The following CARMIL3 variants were observed in gnomAD, a reference collection of about 807,000 sequenced individuals.
CARMIL3 encodes capping protein, Arp2/3 and myosin-I linker protein 3.
CARMIL3 carries 88 observed loss-of-function variants against 180.8 expected under a neutral mutation model. That is an observed-to-expected ratio of 0.49 (90% CI 0.41 to 0.58). The LOEUF (loss-of-function observed/expected upper bound fraction) is 0.58, where lower values mean the gene tolerates loss of function less well. Among genes scored for constraint, CARMIL3 ranks in the 20% least tolerant of loss-of-function variants. CARMIL3 has a pLI of 0.00. For synonymous variants in CARMIL3, 696 were observed against 714.5 expected (o/e 0.97, Z 0.41); for missense variants, 1,548 against 1,787.0 (o/e 0.87, Z 2.41).
Position 24,065,242 on chromosome 14 carries a change from G to T in CARMIL3, c.3365G>T (p.Gly1122Val). The change falls in exon 33 of 40, where the codon GGG becomes GTG. Residue 1122 changes from glycine to valine, a missense_variant. Coordinates refer to ENST00000342740, the MANE Select transcript of CARMIL3 (RefSeq NM_138360.4). ...EESSLLPGFG[G>V]GRGPSFRRKM... ...AGCAGCCTCCTCCCTGGATTTGGTG[G>T]GGGCCGGGGACCTTCCTTCCGCCGG... 6.5e-7 allele frequency: 1 copy of T among 1,549,472 alleles called. No individual in the cohort carries two copies. Among genetic ancestry groups the T allele is most frequent in the Non-Finnish European group, 8.7e-7 (1 of 1,155,766 alleles).
rs145608725 is a variant in CARMIL3 at position 24,058,703 on chromosome 14, C to T, written c.1416C>T (p.Ala472=). The T allele has an allele frequency of 1.3e-4, 215 of 1,614,060 alleles. No homozygotes were observed. Among genetic ancestry groups the T allele is most frequent in the Non-Finnish European group, 1.8e-4 (207 of 1,180,032 alleles). Residue 472 remains alanine, a synonymous_variant, in exon 18 of 40, where the codon GCC becomes GCT. Coordinates refer to ENST00000342740, the MANE Select transcript of CARMIL3 (RefSeq NM_138360.4). The surrounding 1 kb of genome is among the most constrained non-coding windows in gnomAD (Gnocchi z 6.4). ...SCELRSAGAQ[A]LQEQLGAVTC... is the part of the protein sequence containing the mutation. Reference sequence around the variant, plus strand: ...AGCTCCGTTCAGCGGGAGCCCAAGCCTTGCAGGAGCAGCTGGGAGCTGTCA... The same window carrying T: ...AGCTCCGTTCAGCGGGAGCCCAAGCTTTGCAGGAGCAGCTGGGAGCTGTCA...
In CARMIL3 at chr14:24,057,997, T is replaced by A; in HGVS notation, c.1255T>A (p.Phe419Ile). Residue 419 changes from phenylalanine (F) to isoleucine (I), a missense_variant, in exon 16 of 40, where the codon TTC (phenylalanine) becomes ATC (isoleucine). By Grantham distance (21) the Phe-to-Ile change is conservative. Transcript: ENST00000342740. ...REAPPAFKQFFSSAYTLSHVN... is the reference protein window; with the variant it reads ...REAPPAFKQFISSAYTLSHVN... ...GGCCCCGCCGGCCTTCAAGCAGTTC[T>A]TCAGCAGCGCCTACACACTGAGCCA... 1 of 1,613,726 alleles carries A rather than the reference T, an allele frequency of 6.2e-7. No homozygotes were observed. The highest frequency in any genetic ancestry group is 8.5e-7 in the Non-Finnish European group (1 of 1,179,992).
Position 24,054,638 on chromosome 14 carries a change from G to A in CARMIL3, c.363-73G>A. The A allele has an allele frequency of 6.6e-7, 1 of 1,522,802 alleles. No individual in the cohort carries two copies. The highest frequency in any genetic ancestry group is 9.0e-7 in the Non-Finnish European group (1 of 1,108,896). The allele number at this position is 1,522,802 out of a possible 1,614,324, so 94.3% of individuals were successfully genotyped here. A position where few individuals can be genotyped will look rare whatever the true frequency, so the allele number is the denominator to read the frequency against. The stretch of plus-strand genomic sequence containing the variant: ...CCCCACTCCTGGTTTTTCCTGGGAT[G>A]CAGGAGCTATAACGTGGGAAGAACT... On this transcript the variant is annotated intron_variant, in intron 5 of 39. Coordinates refer to ENST00000342740, the MANE Select transcript of CARMIL3 (RefSeq NM_138360.4). The surrounding 1 kb of genome is among the most constrained non-coding windows in gnomAD (Gnocchi z 5.1).
intron 14 of CARMIL3, 125 bp from the exon 15 acceptor site, chr14:24,057,678 C>G: frequency 1.3e-6 from 1 of 786,002 alleles, no homozygotes; most frequent in Non-Finnish European, 2.1e-6. Flanking sequence ...TCCAGTGGAG[C>G]TCACACAGGC....
In CARMIL3 at chr14:24,055,271, G is replaced by A. The variant is rs777611151; in HGVS notation, c.566G>A (p.Arg189Gln). ...VDTIYHAEDN[R>Q]EFNLLDFSHL... ...ACCATCTACCATGCTGAAGATAACC[G>A]GGAGTTCAATCTTTTGGATTTCAGC... is the stretch of plus-strand genomic sequence containing the variant. Residue 189 changes from arginine to glutamine, a missense_variant, in exon 8 of 40, where the codon CGG becomes CAG. Physicochemically the swap from Arg to Gln is conservative, Grantham distance 43 (BLOSUM62 1). This residue lies in a region of CARMIL3 where 578 missense variants were observed against 666.5 expected (regional missense o/e 0.87). Coordinates refer to ENST00000342740, the MANE Select transcript of CARMIL3 (RefSeq NM_138360.4). The A allele has an allele frequency of 4.5e-5, 72 of 1,613,952 alleles. No homozygotes were observed. Among genetic ancestry groups the A allele is most frequent in the African/African-American group, 9.4e-5 (7 of 74,860 alleles).
chr14:24,058,891 G>T lies in CARMIL3; in HGVS notation c.1476G>T (p.Gly492=). The T allele has an allele frequency of 6.2e-7, 1 of 1,614,212 alleles. No individual in the cohort carries two copies. Among genetic ancestry groups the T allele is most frequent in the Non-Finnish European group, 8.5e-7 (1 of 1,180,048 alleles). The change falls in exon 19 of 40, where the codon GGG becomes GGT. Residue 492 remains glycine (G), a splice_region_variant and synonymous_variant. Coordinates refer to ENST00000342740, the MANE Select transcript of CARMIL3 (RefSeq NM_138360.4). The surrounding 1 kb of genome is among the most constrained non-coding windows in gnomAD (Gnocchi z 6.4). Reference sequence around the variant, plus strand: ...AGGCCTCTCCCATCTGCTCACCAGGGTTCGACTCGGACCTCCTGACACTGG... The same window carrying T: ...AGGCCTCTCCCATCTGCTCACCAGGTTTCGACTCGGACCTCCTGACACTGG... ...CVGSLDLSDN[G]FDSDLLTLVP...
Position 24,068,862 on chromosome 14 carries a change from C to T in CARMIL3, c.3878C>T (p.Pro1293Leu). The T allele has an allele frequency of 6.2e-7, 1 of 1,612,974 alleles. No individual in the cohort carries two copies. The change falls in exon 38 of 40, where the codon CCA becomes CTA. Residue 1293 changes from proline (P) to leucine (L), a missense_variant. Pro to Leu is a moderately conservative substitution (Grantham distance 98, BLOSUM62 -3). Around this residue, in one of 4 missense-constraint regions of CARMIL3, gnomAD observed 668 missense variants for 687.8 expected, o/e 0.97. Transcript: ENST00000342740. ...VPRGRQPPQE[P>L]GVREEAEAGD... ...AGGGGCCGCCAGCCTCCCCAGGAGC[C>T]AGGGGTCAGGGAGGAGGCTGAGGCT...
chr14:24,058,638 C>A lies in CARMIL3; in HGVS notation c.1393-42C>A, dbSNP rs755423794. ...CTAAGCATTAAAGGTGCCCTACCCC[C>A]ACCCCAACCCCTGCCTTCCCTACCT... is the stretch of plus-strand genomic sequence containing the variant. On this transcript the variant is annotated intron_variant, in intron 17 of 39. Transcript: ENST00000342740. The surrounding 1 kb of genome is among the most constrained non-coding windows in gnomAD (Gnocchi z 6.4). 1 of 1,576,906 alleles carries A rather than the reference C, an allele frequency of 6.3e-7. No homozygotes were observed. Among genetic ancestry groups the A allele is most frequent in the Non-Finnish European group, 8.7e-7 (1 of 1,150,026 alleles).
At chr14:24,057,422 T>C (rs2035683362) in intron 14 of CARMIL3, among the ~76,000 whole-genome samples, 178 bp downstream of exon 14, 1 of 152,162 alleles carries the variant, frequency 6.6e-6, no homozygotes, top group Non-Finnish European at 1.5e-5. Flanking sequence ...TTTATCCAGG[T>C]CACAAGCTTG....
In CARMIL3 at chr14:24,064,653, C is replaced by T. The variant is rs536127275; in HGVS notation, c.3081-305C>T. 9.9e-5 allele frequency among the ~76,000 whole-genome samples: 15 copies of T among 152,058 alleles called. No homozygotes were observed. In the East Asian group the frequency reaches 2.5e-3, roughly 25 times the overall value. On this transcript the variant is annotated intron_variant, in intron 32 of 39. Coordinates refer to ENST00000342740, the MANE Select transcript of CARMIL3 (RefSeq NM_138360.4). Reference sequence around the variant, plus strand: ...GGATACCCATTAGTGGTGAGAGGCCCGGGGGGTAGTGTTCCCTGTCACTGT... The same window carrying T: ...GGATACCCATTAGTGGTGAGAGGCCTGGGGGGTAGTGTTCCCTGTCACTGT...
At chr14:24,053,670 G>A (rs2035640881) in intron 1 of CARMIL3, 39 bp from the exon 2 acceptor site, 9 of 1,530,056 alleles carry the variant, frequency 5.9e-6, no homozygotes, top group Non-Finnish European at 8.0e-6. Context: ...GGTGGCCAGG[G>A]TAAGGTGAAG....
chr14:24,061,412 TG>T lies in CARMIL3; in HGVS notation c.2305-83del. 1 of 1,400,222 alleles carries T rather than the reference TG, an allele frequency of 7.1e-7. No homozygotes were observed. The highest frequency in any genetic ancestry group is 9.7e-7 in the Non-Finnish European group (1 of 1,027,336). 86.7% of individuals were successfully genotyped at this position (1,400,222 alleles called of 1,614,324 possible). On this transcript the variant is annotated intron_variant, in intron 26 of 39. Transcript: ENST00000342740. This position sits in a 1 kb window ranked among gnomAD's most constrained non-coding sequence, Gnocchi z 4.1. ...GTCCCTCAGTCTCAGCAGGAGGGGC[TG>T]GAATAGATAAAGTCTCTTCTGCTGT...
At position 24,065,164 on chromosome 14, in the gene CARMIL3, A is replaced by AC. The variant is rs867524999; in HGVS notation, c.3293dup (p.Ser1099LysfsTer5). On this transcript the variant is annotated frameshift_variant, in exon 33 of 40. Coordinates refer to ENST00000342740, the MANE Select transcript of CARMIL3 (RefSeq NM_138360.4). LOFTEE classifies it high-confidence loss of function. ...ACTCAGGAGAGCCCCCCTAGCCCAG[A>AC]CCCCCCAAGCCTCGGCAATAACTCC... 3 of 1,254,680 alleles carry AC rather than the reference A, an allele frequency of 2.4e-6. No homozygotes were observed. The highest frequency in any genetic ancestry group is 3.1e-6 in the Non-Finnish European group (3 of 976,222). 77.7% of individuals were successfully genotyped at this position (1,254,680 alleles called of 1,614,324 possible).
Position 24,057,827 on chromosome 14 carries a change from T to C in CARMIL3, c.1165T>C (p.Cys389Arg). Residue 389 changes from cysteine (C) to arginine (R), a missense_variant, in exon 15 of 40, where the codon TGC becomes CGC. Physicochemically the swap from Cys to Arg is radical, Grantham distance 180 (BLOSUM62 -3). This residue lies in a region of CARMIL3 where 578 missense variants were observed against 666.5 expected (regional missense o/e 0.87). Transcript: ENST00000342740. ...DLLLGALLHG[C>R]CSHLTYLNLA... ...GCTTCTCGGTGCCCTGCTCCACGGC[T>C]GCTGCTCCCACCTCACCTACCTCAA... The C allele has an allele frequency of 6.2e-7, 1 of 1,610,250 alleles. No individual in the cohort carries two copies. Among genetic ancestry groups the C allele is most frequent in the Non-Finnish European group, 8.5e-7 (1 of 1,179,580 alleles).
At position 24,059,444 on chromosome 14, in the gene CARMIL3, TG is replaced by T. The variant is rs1476359131; in HGVS notation, c.1799+6del. On this transcript the variant is annotated splice_donor_region_variant and intron_variant, in intron 21 of 39. Coordinates refer to ENST00000342740, the MANE Select transcript of CARMIL3 (RefSeq NM_138360.4). This position sits in a 1 kb window ranked among gnomAD's most constrained non-coding sequence, Gnocchi z 6.3. The stretch of plus-strand genomic sequence containing the variant: ...CCTGCAGATAAACTCCTCCCTCAGG[TG>T]GGGCCCACACCGGGACCCCCTGACC... 8 of 1,566,008 alleles carry T rather than the reference TG, an allele frequency of 5.1e-6. No homozygotes were observed. The highest frequency in any genetic ancestry group is 6.9e-6 in the Non-Finnish European group (8 of 1,155,402).
In CARMIL3 at chr14:24,054,120, C is replaced by G. The variant is rs1281664973; in HGVS notation, c.168C>G (p.Leu56=). 2 of 1,614,058 alleles carry G rather than the reference C, an allele frequency of 1.2e-6. No homozygotes were observed. The highest frequency in any genetic ancestry group is 1.7e-6 in the Non-Finnish European group (2 of 1,180,044). The change falls in exon 3 of 40, where the codon CTC becomes CTG. Residue 56 remains leucine (L), a synonymous_variant. Coordinates refer to ENST00000342740, the MANE Select transcript of CARMIL3 (RefSeq NM_138360.4). This position sits in a 1 kb window ranked among gnomAD's most constrained non-coding sequence, Gnocchi z 5.1. ...ALTSWRLHLF[L]LKVPAKVESS... ...CCTCCTGGCGCCTCCACCTCTTCCT[C>G]CTTAAAGTCCCGGCCAAGGTGAGTT...
intron 8 of CARMIL3, 113 bp downstream of exon 8, chr14:24,055,423 C>T (rs1399210161): frequency 2.7e-6 from 4 of 1,477,952 alleles, no homozygotes; most frequent in Non-Finnish European, 3.8e-6. Context: ...TCCCCAACTC[C>T]ATCCCATCCC....
chr14:24,058,600 T>C lies in CARMIL3; in HGVS notation c.1393-80T>C. ...CCTGGCATGACTTTGAGTTCTGGTG[T>C]GACTACTATATCCTAAGCATTAAAG... On this transcript the variant is annotated intron_variant, in intron 17 of 39. Transcript: ENST00000342740. The surrounding 1 kb of genome is among the most constrained non-coding windows in gnomAD (Gnocchi z 6.4). 1.8e-6 allele frequency: 2 copies of C among 1,115,546 alleles called. No homozygotes were observed. Among genetic ancestry groups the C allele is most frequent in the Non-Finnish European group, 1.3e-6 (1 of 760,442 alleles). The allele number at this position is 1,115,546 out of a possible 1,614,324, so 69.1% of individuals were successfully genotyped here.
chr14:24,064,786 T>A (rs922801850), intron 32 of CARMIL3, among the ~76,000 whole-genome samples, 172 bp from the exon 33 acceptor site: 4 of 152,144 alleles, frequency 2.6e-5, no homozygotes, highest in Non-Finnish European at 5.9e-5. Flanking sequence ...CGGGAAAGGC[T>A]GCTGGAGGAT....
Sources: allele counts gnomAD v4.1 joint callset (sites outside exome capture counted in the v4.1 genomes callset), GRCh38; gene constraint gnomAD v4.1.1; regional missense constraint gnomAD v4.1.1; non-coding constraint Gnocchi (gnomAD v3.1); transcripts MANE v1.5; gene names NCBI Gene and HGNC (gene_info 2026-07-23, HGNC 2026-07-21).